Variants in KCNIP4 observed in about 807,000 individuals in gnomAD.
KCNIP4 encodes Kv channel-interacting protein 4.
KCNIP4 carries 12 observed loss-of-function variants against 34.0 expected under a neutral mutation model. The ratio of observed to expected loss-of-function variants is 0.35; its 90% CI spans 0.23 to 0.57. The LOEUF (loss-of-function observed/expected upper bound fraction) is 0.57, where lower values mean the gene tolerates loss of function less well. Ranked by LOEUF, KCNIP4 falls within the 20% of genes least tolerant of loss-of-function variation. KCNIP4 has a pLI of 0.83. For synonymous variants in KCNIP4, 124 were observed against 102.2 expected, an observed-to-expected ratio of 1.21 and a Z score of -1.29; for missense variants, 238 against 311.7, an observed-to-expected ratio of 0.76 and a Z score of 1.78.
chr4:21,065,763 T>TAA (rs1744322215), intron 1 of KCNIP4, among the ~76,000 whole-genome samples: 1 of 118,026 alleles, frequency 8.5e-6, no homozygotes, highest in African/African-American at 3.1e-5. Flanking sequence ...TATATATATA[T>TAA]ATAACTCAAT....
At chr4:21,697,339 A>G in intron 1 of KCNIP4, 1 of 1,483,242 alleles carries the variant, frequency 6.7e-7, no homozygotes, top group Non-Finnish European at 8.9e-7. Flanking sequence ...AAAAAAAAAA[A>G]AAGTCATTAC....
At chr4:21,399,140 C>T (rs550465351) in intron 1 of KCNIP4, among the ~76,000 whole-genome samples, 16 of 152,322 alleles carry the variant, frequency 1.1e-4, no homozygotes, top group African/African-American at 3.6e-4. Context: ...AACTACTGTC[C>T]CACCACAAGC....
chr4:21,142,884 C>T (rs1752073949), intron 1 of KCNIP4, among the ~76,000 whole-genome samples: 1 of 152,030 alleles, frequency 6.6e-6, no homozygotes, highest in South Asian at 2.1e-4. Flanking sequence ...TGAAGGAGAC[C>T]AACTCATTTG....
chr4:21,675,675 A>C (rs1749836007), intron 1 of KCNIP4, among the ~76,000 whole-genome samples: 1 of 152,184 alleles, frequency 6.6e-6, no homozygotes, highest in Admixed American at 6.5e-5. Flanking sequence ...TGCCTTGCTG[A>C]AGGTTGAGTT....
chr4:21,734,756 C>A (rs1343600158), intron 1 of KCNIP4, among the ~76,000 whole-genome samples: 1 of 152,046 alleles, frequency 6.6e-6, no homozygotes, highest in Non-Finnish European at 1.5e-5. Context: ...TCAAAAGCTA[C>A]AATCCAGGTC....
rs114755071 is a variant in KCNIP4 at position 21,389,044 on chromosome 4, G to T, written c.62-506335C>A. On this transcript the variant is annotated intron_variant, in intron 1 of 8. Coordinates refer to ENST00000382152, the MANE Select transcript of KCNIP4 (RefSeq NM_025221.6). ...CTGTTACACCAGCTGAAGTTCAGTG[G>T]CACAATCAAGGCTCATTGCAGCCTT... Among the ~76,000 whole-genome samples, 430 of 151,604 alleles carry T rather than the reference G, an allele frequency of 2.8e-3. 3 individuals are homozygous for T. The highest frequency in any genetic ancestry group is 0.01 in the African/African-American group (418 of 41,350).
intron 1 of KCNIP4, among the ~76,000 whole-genome samples, chr4:21,146,291 AG>A (rs919603826): frequency 3.3e-5 from 5 of 152,172 alleles, no homozygotes; most frequent in Admixed American, 2.6e-4. Context: ...CCAGCTACTC[AG>A]GAGGCTGAGG....
At chr4:21,146,588 C>A (rs1158478201) in intron 1 of KCNIP4, among the ~76,000 whole-genome samples, 2 of 152,174 alleles carry the variant, frequency 1.3e-5, no homozygotes, top group African/African-American at 4.8e-5. Flanking sequence ...CTTTATGTCA[C>A]AGTCATACAG....
At chr4:21,843,814 C>G (rs144729602) in intron 1 of KCNIP4, 1 of 152,178 alleles carries the variant, frequency 6.6e-6, no homozygotes, top group East Asian at 1.9e-4. Flanking sequence ...CTTCAATGAA[C>G]AGACAGGATA....
At chr4:20,731,884 AG>A in intron 8 of KCNIP4, 121 bp downstream of exon 8, 1 of 1,470,286 alleles carries the variant, frequency 6.8e-7, no homozygotes, top group Non-Finnish European at 9.0e-7. Flanking sequence ...TGCATGTTGT[AG>A]AAGTGGTAAA....
intron 1 of KCNIP4, among the ~76,000 whole-genome samples, chr4:21,251,876 G>A (rs1056497161): frequency 7.1e-6 from 1 of 140,924 alleles, no homozygotes; most frequent in Non-Finnish European, 1.6e-5. Context: ...GTGTGGGGAG[G>A]GGGGAGGGAT....
At chr4:21,279,432 G>T (rs1425235153) in intron 1 of KCNIP4, among the ~76,000 whole-genome samples, 2 of 151,348 alleles carry the variant, frequency 1.3e-5, no homozygotes, top group Non-Finnish European at 2.9e-5. Flanking sequence ...TTTACTTTTT[G>T]AAAACTGAGT....
intron 1 of KCNIP4, among the ~76,000 whole-genome samples, chr4:21,367,425 C>T (rs1331200219): frequency 2.6e-5 from 4 of 152,044 alleles, no homozygotes; most frequent in Non-Finnish European, 5.9e-5. Flanking sequence ...TTATTTTCTT[C>T]ATTAGGGTCT....
intron 1 of KCNIP4, among the ~76,000 whole-genome samples, chr4:21,202,412 G>A (rs920231182): frequency 2.0e-5 from 3 of 152,134 alleles, no homozygotes; most frequent in Non-Finnish European, 2.9e-5. Flanking sequence ...GAAACAATAG[G>A]CACTGAGGAA....
At chr4:21,661,496 T>C (rs1378148502) in intron 1 of KCNIP4, among the ~76,000 whole-genome samples, 2 of 152,112 alleles carry the variant, frequency 1.3e-5, no homozygotes, top group Non-Finnish European at 2.9e-5. Flanking sequence ...CCCACTCCCA[T>C]AAGGGGTTTG....
chr4:21,234,140 T>TA (rs1560198303), intron 1 of KCNIP4, among the ~76,000 whole-genome samples: 1 of 106,718 alleles, frequency 9.4e-6, no homozygotes, highest in South Asian at 2.6e-4. Context: ...ATAACGTATA[T>TA]TATATATAAC....
chr4:21,367,986 T>C (rs184547990), intron 1 of KCNIP4, among the ~76,000 whole-genome samples: 14 of 147,290 alleles, frequency 9.5e-5, no homozygotes, highest in Non-Finnish European at 2.1e-4. Context: ...AGCGTACCCA[T>C]GTTTAACTCT....
intron 1 of KCNIP4, among the ~76,000 whole-genome samples, chr4:21,921,976 C>T (rs182456998): frequency 2.0e-5 from 3 of 152,270 alleles, no homozygotes; most frequent in South Asian, 2.1e-4. Context: ...CTGGGTGATC[C>T]GGCTCCCACC....
At chr4:21,648,037 C>G (rs971084685) in intron 1 of KCNIP4, among the ~76,000 whole-genome samples, 4 of 151,686 alleles carry the variant, frequency 2.6e-5, no homozygotes, top group African/African-American at 9.7e-5. Context: ...CCACGCCCAG[C>G]TAATTTTTTG....
Sources: gnomAD v4.1 joint callset for allele counts (sites outside exome capture counted in the v4.1 genomes callset) on GRCh38, gnomAD v4.1.1 for gene constraint, MANE v1.5 for transcripts, NCBI Gene and HGNC (gene_info 2026-07-23, HGNC 2026-07-21) for gene names.